URI1: variants seen among roughly 807,000 people sequenced by gnomAD.
URI1 encodes unconventional prefoldin RPB5 interactor 1.
URI1 carries 39 observed loss-of-function variants against 60.2 expected under a neutral mutation model. That is an observed-to-expected ratio of 0.65 (90% confidence interval 0.50 to 0.85). The LOEUF (loss-of-function observed/expected upper bound fraction) is 0.85. URI1 is among the 40% of genes least tolerant of loss of function. URI1 has a pLI of 0.00. For synonymous variants in URI1, 251 were observed against 236.8 expected (o/e 1.06, Z -0.55); for missense variants, 691 against 665.9 (o/e 1.04, Z -0.42).
chr19:29,979,553 C>T (rs2055566913), intron 2 of URI1, among the ~76,000 whole-genome samples: 1 of 152,100 alleles, frequency 6.6e-6, no homozygotes, highest in African/African-American at 2.4e-5. Context: ...ATATCCATTG[C>T]ACTGTTTTCT....
intron 8 of URI1, among the ~76,000 whole-genome samples, chr19:30,009,612 G>A (rs1323346862): frequency 6.6e-6 from 1 of 152,142 alleles, no homozygotes; most frequent in Non-Finnish European, 1.5e-5. Context: ...GGCAACTACT[G>A]TAACTTCACC....
intron 1 of URI1, among the ~76,000 whole-genome samples, chr19:29,958,696 A>C (rs1028724409): frequency 5.3e-5 from 8 of 151,466 alleles, no homozygotes; most frequent in African/African-American, 1.9e-4. Flanking sequence ...GCTGCGGCTC[A>C]CACCTGTAAT....
intron 4 of URI1, among the ~76,000 whole-genome samples, chr19:29,993,667 T>C (rs1599711162): frequency 6.6e-6 from 1 of 152,184 alleles, no homozygotes; most frequent in Non-Finnish European, 1.5e-5. Flanking sequence ...TGGGCTTTTT[T>C]AAAAATTATT....
chr19:29,992,012 C>T (rs938469409), intron 4 of URI1, among the ~76,000 whole-genome samples: 7 of 151,904 alleles, frequency 4.6e-5, no homozygotes, highest in Admixed American at 2.0e-4. Flanking sequence ...ATTTGCATGG[C>T]GTATATTTTT....
At chr19:30,011,056 T>A (rs2056011156) in intron 8 of URI1, 38 bp from the exon 9 acceptor site, 2 of 1,586,430 alleles carry the variant, frequency 1.3e-6, no homozygotes. Flanking sequence ...TGATTTAATT[T>A]GTCAAAAGAT....
intron 1 of URI1, among the ~76,000 whole-genome samples, chr19:29,933,940 C>CTT (rs34942474): frequency 0.021 from 2,590 of 124,598 alleles, 216 homozygotes; most frequent in African/African-American, 0.074. Flanking sequence ...CTTTTCTTCC[C>CTT]TTTTTTTTTT....
chr19:29,994,784 T>G (rs570987871), intron 4 of URI1, among the ~76,000 whole-genome samples: 7 of 150,094 alleles, frequency 4.7e-5, no homozygotes, highest in African/African-American at 1.7e-4. Flanking sequence ...TCTGTGGATT[T>G]TTTTTTTTTT....
At chr19:29,946,392 T>G (rs1313167815) in intron 1 of URI1, among the ~76,000 whole-genome samples, 1 of 152,224 alleles carries the variant, frequency 6.6e-6, no homozygotes, top group Non-Finnish European at 1.5e-5. Context: ...CTGTATTTTA[T>G]CTCTAGATAC....
intron 1 of URI1, among the ~76,000 whole-genome samples, chr19:29,952,695 T>C (rs1185647272): frequency 6.6e-6 from 1 of 152,214 alleles, no homozygotes; most frequent in Non-Finnish European, 1.5e-5. Flanking sequence ...CAATCTTGTT[T>C]TATTATGGTA....
intron 1 of URI1, among the ~76,000 whole-genome samples, chr19:29,928,896 G>A (rs2054892851): frequency 6.6e-6 from 1 of 152,154 alleles, no homozygotes; most frequent in African/African-American, 2.4e-5. Flanking sequence ...GACATTTGCA[G>A]ACTCCCAAGT....
intron 1 of URI1, among the ~76,000 whole-genome samples, chr19:29,951,329 G>A (rs532640034): frequency 6.6e-6 from 1 of 152,214 alleles, no homozygotes; most frequent in African/African-American, 2.4e-5. Context: ...GCCTAAATCA[G>A]TTATATTGGT....
intron 1 of URI1, among the ~76,000 whole-genome samples, chr19:29,929,178 T>C (rs2054894843): frequency 6.6e-6 from 1 of 152,198 alleles, no homozygotes; most frequent in Non-Finnish European, 1.5e-5. Context: ...AAGTCTATGT[T>C]TGACTTTGTA....
chr19:29,928,314 G>A (rs955673036), intron 1 of URI1, among the ~76,000 whole-genome samples: 7 of 152,244 alleles, frequency 4.6e-5, no homozygotes, highest in East Asian at 3.9e-4. Context: ...CCCAGGTCAC[G>A]CCCAAGCATT....
chr19:29,966,285 T>G (rs1362717401), intron 1 of URI1, among the ~76,000 whole-genome samples: 3 of 152,076 alleles, frequency 2.0e-5, no homozygotes, highest in Non-Finnish European at 2.9e-5. Context: ...ATTACAGGCA[T>G]GCACCACCAC....
chr19:29,988,007 A>G (rs926232418), intron 4 of URI1, among the ~76,000 whole-genome samples: 12 of 152,188 alleles, frequency 7.9e-5, no homozygotes, highest in Admixed American at 3.9e-4. Flanking sequence ...GTCTCTACTA[A>G]AAATACAAAA....
At chr19:29,949,587 G>A (rs879463559) in intron 1 of URI1, among the ~76,000 whole-genome samples, 1 of 152,186 alleles carries the variant, frequency 6.6e-6, no homozygotes, top group Non-Finnish European at 1.5e-5. Context: ...GTAGCCAGCC[G>A]AGATCACGCC....
chr19:29,954,510 ACT>A (rs1491188474), intron 1 of URI1, among the ~76,000 whole-genome samples: 28 of 92,650 alleles, frequency 3.0e-4, no homozygotes, highest in Non-Finnish European at 4.9e-4. Context: ...CTACAGATAA[ACT>A]TTTTTTTTTT....
intron 2 of URI1, among the ~76,000 whole-genome samples, chr19:29,984,426 C>A (rs2145367742): frequency 6.6e-6 from 1 of 152,238 alleles, no homozygotes; most frequent in Admixed American, 6.5e-5. Context: ...GAGACTCTGT[C>A]TTAAAATAAA....
intron 1 of URI1, among the ~76,000 whole-genome samples, chr19:29,953,021 A>G (rs2055198732): frequency 6.6e-6 from 1 of 152,112 alleles, no homozygotes; most frequent in Non-Finnish European, 1.5e-5. Context: ...TAGCGCTTAT[A>G]TTTAGGTCAT....
Sources: allele counts gnomAD v4.1 joint callset (sites outside exome capture counted in the v4.1 genomes callset), GRCh38; gene constraint gnomAD v4.1.1; transcripts MANE v1.5; gene names NCBI Gene and HGNC (gene_info 2026-07-23, HGNC 2026-07-21).